LARP4B: variants seen among roughly 807,000 people sequenced by gnomAD.
LARP4B encodes La ribonucleoprotein 4B.
Under a neutral mutation model 89.8 loss-of-function variants are expected in LARP4B, and 12 were observed. That is an observed-to-expected ratio of 0.13 (90% CI 0.09 to 0.22). LARP4B has a LOEUF of 0.22. Ranked by LOEUF, LARP4B falls within the 10% of genes least tolerant of loss-of-function variation. The pLI, the probability that LARP4B is intolerant of heterozygous loss-of-function variation, is 1.00. For missense variants in LARP4B, 757 were observed against 947.7 expected (o/e 0.80, Z 2.64); for synonymous variants, 367 against 363.3 (o/e 1.01, Z -0.12).
chr10:884,706 T>C (rs1221153936), intron 2 of LARP4B, among the ~76,000 whole-genome samples, 200 bp from the exon 3 acceptor site: 4 of 152,204 alleles, frequency 2.6e-5, no homozygotes, highest in Non-Finnish European at 5.9e-5. Context: ...ATAAAGTTCT[T>C]TGTAGATTCA....
intron 1 of LARP4B, among the ~76,000 whole-genome samples, chr10:892,269 T>G (rs900113175): frequency 2.0e-5 from 3 of 152,240 alleles, no homozygotes; most frequent in African/African-American, 7.2e-5. Context: ...ATCTGTGGCC[T>G]CTATGCTAGT....
chr10:919,911 G>T (rs1174892506), intron 1 of LARP4B, among the ~76,000 whole-genome samples: 1 of 152,166 alleles, frequency 6.6e-6, no homozygotes, highest in Non-Finnish European at 1.5e-5. Flanking sequence ...AAACCGGAGG[G>T]TGTTAACCAG....
intron 15 of LARP4B, chr10:815,310 T>C: frequency 5.9e-6 from 2 of 341,422 alleles, no homozygotes; most frequent in Non-Finnish European, 1.1e-5. Context: ...CCTTATCTCC[T>C]CTCCCGCAAT....
In LARP4B at chr10:829,433, G is replaced by A. The variant is rs751651323; in HGVS notation, c.1077C>T (p.Ile359=). The A allele has an allele frequency of 5.0e-6, 8 of 1,613,908 alleles. No homozygotes were observed. The East Asian group carries it at 1.8e-4, about 36-fold the overall frequency. The change falls in exon 11 of 18, where the codon ATC becomes ATT. Residue 359 remains isoleucine (I), a synonymous_variant. Transcript: ENST00000316157. ...GCGTTGCTGACCACGTCTGGGGAGT[G>A]ATCAGGCTGTACAGGGGGAACTGCT... The part of the protein sequence containing the change: ...PQQQFPLYSL[I]TPQTWSATHS...
the LARP4B span, among the ~76,000 whole-genome samples, chr10:965,885 T>C: frequency 1.3e-5 from 2 of 152,100 alleles, no homozygotes; most frequent in Non-Finnish European, 2.9e-5. Flanking sequence ...GAAACAGAGC[T>C]CAGGCCCCTT....
intron 1 of LARP4B, among the ~76,000 whole-genome samples, chr10:898,177 T>G (rs182779458): frequency 5.3e-5 from 8 of 152,088 alleles, no homozygotes; most frequent in African/African-American, 9.6e-5. Flanking sequence ...TACAGAAAAT[T>G]AAAACAAAAA....
At chr10:842,720 G>A (rs758146841) in intron 7 of LARP4B, among the ~76,000 whole-genome samples, 3 of 152,106 alleles carry the variant, frequency 2.0e-5, no homozygotes, top group Non-Finnish European at 4.4e-5. Flanking sequence ...ACTTGTTTGA[G>A]GTTTCATAAC....
the LARP4B span, among the ~76,000 whole-genome samples, chr10:953,949 C>T: frequency 1.3e-5 from 2 of 152,112 alleles, no homozygotes; most frequent in Non-Finnish European, 2.9e-5. Flanking sequence ...AGCCTGGAGG[C>T]GTTTGCTGAT....
At chr10:927,493 C>T (rs886262967) in intron 1 of LARP4B, among the ~76,000 whole-genome samples, 3 of 152,060 alleles carry the variant, frequency 2.0e-5, no homozygotes, top group Non-Finnish European at 2.9e-5. Flanking sequence ...ATTCATTTTC[C>T]AATCAAAATA....
chr10:937,061 G>T, the LARP4B span, among the ~76,000 whole-genome samples: 1 of 151,996 alleles, frequency 6.6e-6, no homozygotes, highest in Non-Finnish European at 1.5e-5. Flanking sequence ...TTTATTTTTG[G>T]AGACAGGGTC....
At chr10:837,657 G>C (rs987532487) in intron 7 of LARP4B, among the ~76,000 whole-genome samples, 4 of 152,144 alleles carry the variant, frequency 2.6e-5, no homozygotes, top group Non-Finnish European at 4.4e-5. Flanking sequence ...CACGTGCACG[G>C]GCAGTCAATA....
chr10:932,176 G>A (rs1276443681), upstream of LARP4B, among the ~76,000 whole-genome samples: 2 of 151,464 alleles, frequency 1.3e-5, no homozygotes, highest in Non-Finnish European at 3.0e-5. Flanking sequence ...CAAGGCCCCG[G>A]CCCTGCCCCG....
At chr10:971,044 C>T in the LARP4B span, 4 of 152,220 alleles carry the variant, frequency 2.6e-5, no homozygotes, top group East Asian at 1.9e-4. Flanking sequence ...CCGCCCAGCA[C>T]GTTTCATGCC....
chr10:841,741 G>A (rs1833531339), intron 7 of LARP4B, among the ~76,000 whole-genome samples: 1 of 152,182 alleles, frequency 6.6e-6, no homozygotes, highest in South Asian at 2.1e-4. Context: ...GATGACACCA[G>A]GGAGCACGGC....
At chr10:927,358 A>AT (rs1837172058) in intron 1 of LARP4B, among the ~76,000 whole-genome samples, 1 of 152,220 alleles carries the variant, frequency 6.6e-6, no homozygotes, top group Non-Finnish European at 1.5e-5. Flanking sequence ...TAAGGAAGGC[A>AT]TTTACACACA....
At chr10:915,579 T>C (rs1836795556) in intron 1 of LARP4B, among the ~76,000 whole-genome samples, 7 of 152,158 alleles carry the variant, frequency 4.6e-5, no homozygotes, top group African/African-American at 1.7e-4. Flanking sequence ...CCAAGGTGGG[T>C]GGATCACGAG....
intron 5 of LARP4B, among the ~76,000 whole-genome samples, chr10:853,920 A>G (rs1347023491): frequency 6.6e-6 from 1 of 152,136 alleles, no homozygotes; most frequent in African/African-American, 2.4e-5. Flanking sequence ...ATGCTGTTTG[A>G]TATCATTTTG....
At chr10:964,414 T>A in the LARP4B span, among the ~76,000 whole-genome samples, 1 of 78,284 alleles carries the variant, frequency 1.3e-5, no homozygotes, top group Non-Finnish European at 2.6e-5. Flanking sequence ...GTAACATTAG[T>A]TATATCTGTT....
rs374704199 is a variant in LARP4B at position 866,543 on chromosome 10, G to A, written c.142-2273C>T. Among the ~76,000 whole-genome samples, 3 of 152,296 alleles carry A rather than the reference G, an allele frequency of 2.0e-5. No individual in the cohort carries two copies. In the East Asian group the frequency reaches 5.8e-4, roughly 29 times the overall value. ...CACTGCCTCTGGCAGCGTTTACGCCGCTCCACCTGATCTGTTGTCTTTGTA... is the reference window on the plus strand; with the variant it reads ...CACTGCCTCTGGCAGCGTTTACGCCACTCCACCTGATCTGTTGTCTTTGTA... On this transcript the variant is annotated intron_variant, in intron 3 of 17. Coordinates refer to ENST00000316157, the MANE Select transcript of LARP4B (RefSeq NM_015155.3).
Sources: allele counts gnomAD v4.1 joint callset (sites outside exome capture counted in the v4.1 genomes callset), GRCh38; gene constraint gnomAD v4.1.1; transcripts MANE v1.5; gene names NCBI Gene and HGNC (gene_info 2026-07-23, HGNC 2026-07-21).